PCDHA9: variants seen among roughly 807,000 people sequenced by gnomAD.
PCDHA9 encodes the protein protocadherin alpha-9.
In PCDHA9, 62 loss-of-function variants were observed where a neutral mutation model predicts 62.0. The observed-to-expected ratio is 1.00, with a 90% CI of 0.81 to 1.23. PCDHA9 has a LOEUF of 1.23. PCDHA9 is among the 50% of genes most tolerant of loss of function. The probability of loss-of-function intolerance (pLI) is 0.00; values close to 1 mark genes in which losing one functional copy is unlikely to be tolerated. For missense variants in PCDHA9, 1,205 were observed against 1,249.8 expected (o/e 0.96, Z 0.54); for synonymous variants, 557 against 567.6 (o/e 0.98, Z 0.27).
chr5:140,870,704 T>A, intron 1 of PCDHA9: 1 of 1,612,984 alleles, frequency 6.2e-7, no homozygotes, highest in East Asian at 2.2e-5. Flanking sequence ...CAGTTCCAGG[T>A]GAGCGCGCGC....
intron 1 of PCDHA9, chr5:140,868,954 C>G: frequency 7.4e-7 from 1 of 1,348,952 alleles, no homozygotes; most frequent in Non-Finnish European, 1.0e-6. Flanking sequence ...GTGAGGCACT[C>G]CCATACAAAG....
At chr5:140,964,378 T>A (rs182628269) in intron 1 of PCDHA9, among the ~76,000 whole-genome samples, 1 of 151,270 alleles carries the variant, frequency 6.6e-6, no homozygotes, top group Non-Finnish European at 1.5e-5. Context: ...GAAAGGAGAG[T>A]CCTGGTTTTT....
intron 1 of PCDHA9, among the ~76,000 whole-genome samples, chr5:140,895,893 C>A (rs899081253): frequency 6.6e-6 from 1 of 152,188 alleles, no homozygotes; most frequent in African/African-American, 2.4e-5. Context: ...CTCACTGCAA[C>A]CTCCGCGTCC....
intron 1 of PCDHA9, chr5:140,870,201 G>T: frequency 6.2e-7 from 1 of 1,614,140 alleles, no homozygotes; most frequent in South Asian, 1.1e-5. Flanking sequence ...AGCCCAGCAC[G>T]GTCATTGCCC....
intron 1 of PCDHA9, among the ~76,000 whole-genome samples, chr5:140,887,409 T>C (rs1203976948): frequency 6.6e-6 from 1 of 152,184 alleles, no homozygotes; most frequent in African/African-American, 2.4e-5. Context: ...TATCTCATTT[T>C]TATTTTTGAA....
chr5:140,926,414 A>C, intron 1 of PCDHA9: 1 of 152,834 alleles, frequency 6.5e-6, no homozygotes, highest in Non-Finnish European at 1.5e-5. Context: ...ATCTGCGGGC[A>C]GAGGATGTGG....
intron 3 of PCDHA9, among the ~76,000 whole-genome samples, chr5:140,985,001 G>A (rs1554246727): frequency 1.3e-5 from 2 of 151,944 alleles, no homozygotes; most frequent in South Asian, 2.1e-4. Flanking sequence ...CCAGTGGCAC[G>A]ATATCGGCTC....
At chr5:140,856,473 C>T (rs1471191080) in intron 1 of PCDHA9, 2 of 1,598,372 alleles carry the variant, frequency 1.3e-6, no homozygotes. Flanking sequence ...CTCTCAATAC[C>T]TGAATCCAGA....
At chr5:140,899,400 AG>A (rs1331352997) in intron 1 of PCDHA9, among the ~76,000 whole-genome samples, 2 of 152,132 alleles carry the variant, frequency 1.3e-5, no homozygotes, top group Non-Finnish European at 2.9e-5. Context: ...TTTAGCATGA[AG>A]GGTTGTTGAA....
chr5:140,898,887 C>T (rs1554188288), intron 1 of PCDHA9, among the ~76,000 whole-genome samples: 1 of 152,028 alleles, frequency 6.6e-6, no homozygotes, highest in Non-Finnish European at 1.5e-5. Context: ...TTGTAGTTCT[C>T]CTTGAAGAGG....
intron 1 of PCDHA9, among the ~76,000 whole-genome samples, chr5:140,946,207 A>G (rs1435472095): frequency 2.0e-5 from 3 of 152,068 alleles, no homozygotes; most frequent in Non-Finnish European, 4.4e-5. Flanking sequence ...AAAGCACACA[A>G]ATGACCAACA....
At chr5:140,926,607 C>T (rs887450914) in intron 1 of PCDHA9, 1 of 348,974 alleles carries the variant, frequency 2.9e-6, no homozygotes, top group Non-Finnish European at 5.1e-6. Context: ...GGCCTCGTCT[C>T]TGCACCCCTA....
At chr5:140,885,486 T>C (rs1420709904) in intron 1 of PCDHA9, among the ~76,000 whole-genome samples, 2 of 152,188 alleles carry the variant, frequency 1.3e-5, no homozygotes, top group Non-Finnish European at 2.9e-5. Context: ...TGTCAAGTGT[T>C]CTGTTATCTT....
intron 1 of PCDHA9, among the ~76,000 whole-genome samples, chr5:140,917,013 A>G (rs565656440): frequency 2.6e-4 from 39 of 152,080 alleles, no homozygotes; most frequent in Non-Finnish European, 4.6e-4. Context: ...ATCTCCCTTC[A>G]TGTGCAGCTG....
At chr5:140,875,647 C>T (rs1554167823) in intron 1 of PCDHA9, 1 of 1,613,694 alleles carries the variant, frequency 6.2e-7, no homozygotes, top group Non-Finnish European at 8.5e-7. Context: ...GCTGGCGGAG[C>T]TGGTGCCGCG....
intron 1 of PCDHA9, chr5:140,927,923 CTCT>C: frequency 6.2e-7 from 1 of 1,614,232 alleles, no homozygotes; most frequent in East Asian, 2.2e-5. Context: ...GACTTCCTGA[CTCT>C]TTCGAACCCA....
intron 1 of PCDHA9, among the ~76,000 whole-genome samples, chr5:140,956,665 G>GCTTT (rs1273636843): frequency 1.3e-5 from 2 of 152,004 alleles, no homozygotes; most frequent in Non-Finnish European, 2.9e-5. Flanking sequence ...TGGCCTTAAA[G>GCTTT]GAGTTAGGGA....
intron 1 of PCDHA9, chr5:140,863,203 G>C: frequency 1.1e-6 from 1 of 948,504 alleles, no homozygotes; most frequent in Non-Finnish European, 1.6e-6. Flanking sequence ...GTCGCTGGCG[G>C]AGAGCAGCCA....
chr5:140,936,077 G>A (rs2090754379), intron 1 of PCDHA9, among the ~76,000 whole-genome samples: 1 of 151,980 alleles, frequency 6.6e-6, no homozygotes, highest in South Asian at 2.1e-4. Flanking sequence ...ACTTTTAGTA[G>A]AGACAGGGTT....
Sources: allele counts gnomAD v4.1 joint callset (sites outside exome capture counted in the v4.1 genomes callset), GRCh38; gene constraint gnomAD v4.1.1; transcripts MANE v1.5; gene names NCBI Gene and HGNC (gene_info 2026-07-23, HGNC 2026-07-21).